CNTNAP4: variants seen among roughly 807,000 people sequenced by gnomAD.
The protein encoded by CNTNAP4 is contactin-associated protein-like 4.
In CNTNAP4, 98 loss-of-function variants were observed where a neutral mutation model predicts 148.4. The ratio of observed to expected loss-of-function variants is 0.66; its 90% CI spans 0.56 to 0.78. The LOEUF is 0.78. CNTNAP4 is among the 30% of genes least tolerant of loss of function. The pLI is 0.00. For synonymous variants in CNTNAP4, 730 were observed against 565.1 expected (o/e 1.29, Z -4.14); for missense variants, 1,935 against 1,565.6 (o/e 1.24, Z -3.98).
intron 15 of CNTNAP4, among the ~76,000 whole-genome samples, chr16:76,511,896 G>T (rs2083042538): frequency 6.6e-6 from 1 of 151,786 alleles, no homozygotes; most frequent in South Asian, 2.1e-4. Context: ...TACAGTAGAA[G>T]CTGGTAAGAG....
intron 3 of CNTNAP4, among the ~76,000 whole-genome samples, chr16:76,391,218 A>G (rs1352526893): frequency 6.6e-6 from 1 of 152,154 alleles, no homozygotes; most frequent in Non-Finnish European, 1.5e-5. Context: ...GCCAAAGTGT[A>G]AAGATTTCTC....
intron 17 of CNTNAP4, among the ~76,000 whole-genome samples, chr16:76,528,732 C>G (rs1313084134): frequency 1.3e-5 from 2 of 152,130 alleles, no homozygotes; most frequent in Admixed American, 1.3e-4. Flanking sequence ...TAATGCTTTA[C>G]TTTCTGAGAA....
intron 2 of CNTNAP4, among the ~76,000 whole-genome samples, chr16:76,343,863 A>C (rs529402615): frequency 2.8e-4 from 42 of 152,194 alleles, no homozygotes; most frequent in Non-Finnish European, 4.0e-4. Context: ...CATGATTTTG[A>C]CATAAACCTC....
At chr16:76,431,470 G>A (rs1199683624) in intron 4 of CNTNAP4, among the ~76,000 whole-genome samples, 1 of 152,148 alleles carries the variant, frequency 6.6e-6, no homozygotes, top group Non-Finnish European at 1.5e-5. Flanking sequence ...CCTGAGGTCA[G>A]GAGTTCGAGA....
At chr16:76,490,500 A>C (rs905017616) in intron 13 of CNTNAP4, among the ~76,000 whole-genome samples, 1 of 149,248 alleles carries the variant, frequency 6.7e-6, no homozygotes, top group African/African-American at 2.4e-5. Flanking sequence ...TGTTTCCACC[A>C]CATCTGCCTT....
At chr16:76,419,346 T>G (rs968164354) in intron 3 of CNTNAP4, among the ~76,000 whole-genome samples, 1 of 152,010 alleles carries the variant, frequency 6.6e-6, no homozygotes, top group Non-Finnish European at 1.5e-5. Context: ...CCCTTTGTTA[T>G]GAAGAAAACC....
Position 76,452,500 on chromosome 16 carries a change from A to G in CNTNAP4, c.1072-8A>G. ...TTCTGAAAGCTTTTTCTTTTACTTT[A>G]TTCTCAGGGAAATGTGTCATTTTCT... On this transcript the variant is annotated splice_region_variant and splice_polypyrimidine_tract_variant and intron_variant, in intron 7 of 23. Coordinates refer to ENST00000611870, the MANE Select transcript of CNTNAP4 (RefSeq NM_033401.5). 6.2e-7 allele frequency: 1 copy of G among 1,613,696 alleles called. No individual in the cohort carries two copies. Among genetic ancestry groups the G allele is most frequent in the Admixed American group, 1.7e-5 (1 of 59,998 alleles).
chr16:76,522,734 T>TC lies in CNTNAP4; in HGVS notation c.2755+477_2755+478insC, dbSNP rs1276023302. On this transcript the variant is annotated intron_variant, in intron 17 of 23. Coordinates refer to ENST00000611870, the MANE Select transcript of CNTNAP4 (RefSeq NM_033401.5). ...TTCTTTTCTTTTCTTTTCTTTTCTT[T>TC]TCTTTTCTTTTCTTTTCTTTTCTTT... 1.4e-3 allele frequency among the ~76,000 whole-genome samples: 150 copies of TC among 103,494 alleles called. 6 individuals are homozygous for TC. The highest frequency in any genetic ancestry group is 4.0e-3 in the African/African-American group (98 of 24,452). 67.9% of individuals were successfully genotyped at this position (103,494 alleles called of 152,430 possible).
intron 1 of CNTNAP4, chr16:76,309,971 C>T (rs1005900568): frequency 4.4e-6 from 3 of 684,200 alleles, no homozygotes; most frequent in African/African-American, 3.6e-5. Flanking sequence ...AGCATGGAAA[C>T]GGACTAAAAC....
chr16:76,370,087 C>G (rs2014622269), intron 3 of CNTNAP4, among the ~76,000 whole-genome samples: 2 of 152,032 alleles, frequency 1.3e-5, no homozygotes, highest in Admixed American at 1.3e-4. Flanking sequence ...TCAAATGAAC[C>G]CTCACATAAA....
At chr16:76,456,217 C>G (rs998670004) in intron 8 of CNTNAP4, among the ~76,000 whole-genome samples, 1 of 152,126 alleles carries the variant, frequency 6.6e-6, no homozygotes, top group Non-Finnish European at 1.5e-5. Flanking sequence ...ACCCTGGAAA[C>G]CAACGGTTGT....
intron 3 of CNTNAP4, among the ~76,000 whole-genome samples, chr16:76,373,002 C>T (rs376337112): frequency 2.0e-5 from 3 of 152,110 alleles, no homozygotes; most frequent in Non-Finnish European, 2.9e-5. Context: ...ATGATTACTT[C>T]GAATCTGAAA....
At position 76,462,105 on chromosome 16, in the gene CNTNAP4, G is replaced by T; in HGVS notation, c.1483G>T (p.Gly495Cys). 1.2e-6 allele frequency: 2 copies of T among 1,612,086 alleles called. No individual in the cohort carries two copies. Among genetic ancestry groups the T allele is most frequent in the African/African-American group, 1.3e-5 (1 of 74,984 alleles). ...TTCGGGTGGCACCTATTATTTTGGA[G>T]GTAAGAATAGGTGCCAGGCTCTATG... ...IYSGGTYYFGGCPDKSFGSKC... is the reference protein window; with the variant it reads ...IYSGGTYYFGCCPDKSFGSKC... The change falls in exon 9 of 24, where the codon GGT becomes TGT. Residue 495 changes from glycine to cysteine, a missense_variant and splice_region_variant. Gly to Cys is a radical substitution (Grantham distance 159). Coordinates refer to ENST00000611870, the MANE Select transcript of CNTNAP4 (RefSeq NM_033401.5).
chr16:76,398,671 A>G lies in CNTNAP4; in HGVS notation c.391-28781A>G, dbSNP rs149069133. Reference sequence around the variant, plus strand: ...AAGAGTTATAACAGTGTACACTCCCACCATCAATACGTGAGTTCCTATATC... The same window carrying G: ...AAGAGTTATAACAGTGTACACTCCCGCCATCAATACGTGAGTTCCTATATC... On this transcript the variant is annotated intron_variant, in intron 3 of 23. Transcript: ENST00000611870. Among the ~76,000 whole-genome samples, 821 of 152,222 alleles carry G rather than the reference A, an allele frequency of 5.4e-3. 5 individuals are homozygous for G. The highest frequency in any genetic ancestry group is 9.2e-3 in the Non-Finnish European group (624 of 68,018).
intron 2 of CNTNAP4, among the ~76,000 whole-genome samples, chr16:76,343,459 C>G (rs948531970): frequency 1.3e-5 from 2 of 152,168 alleles, no homozygotes; most frequent in Non-Finnish European, 1.5e-5. Context: ...AAAACCCTGA[C>G]TGATCTTTTT....
At chr16:76,308,987 T>A (rs965723475) in intron 1 of CNTNAP4, among the ~76,000 whole-genome samples, 9 of 151,210 alleles carry the variant, frequency 6.0e-5, no homozygotes, top group Middle Eastern at 3.4e-3. Flanking sequence ...TTTTTTTTTT[T>A]AAAGAGATGG....
intron 15 of CNTNAP4, among the ~76,000 whole-genome samples, chr16:76,502,462 A>G (rs988495654): frequency 6.6e-6 from 1 of 151,902 alleles, no homozygotes; most frequent in African/African-American, 2.4e-5. Flanking sequence ...CCTTATAAGC[A>G]GAGAAAAGCT....
chr16:76,313,132 G>A (rs949511202), intron 1 of CNTNAP4, among the ~76,000 whole-genome samples: 14 of 151,960 alleles, frequency 9.2e-5, no homozygotes, highest in Admixed American at 7.9e-4. Flanking sequence ...CCCTTCTTTT[G>A]TTTTAATTCC....
At chr16:76,417,345 G>C (rs8062887) in intron 3 of CNTNAP4, among the ~76,000 whole-genome samples, 57,676 of 150,876 alleles carry the variant, frequency 0.38, 11,206 homozygotes, top group Middle Eastern at 0.48. Flanking sequence ...TATTTTATCT[G>C]CTCTTTTACT....
Sources: allele counts gnomAD v4.1 joint callset (sites outside exome capture counted in the v4.1 genomes callset), GRCh38; gene constraint gnomAD v4.1.1; transcripts MANE v1.5; gene names NCBI Gene and HGNC (gene_info 2026-07-23, HGNC 2026-07-21).